F8: variants seen among roughly 807,000 people sequenced by gnomAD.
F8 encodes the protein coagulation factor VIII.
Under a neutral mutation model 140.6 loss-of-function variants are expected in F8, and 12 were observed. That is an observed-to-expected ratio of 0.09 (90% CI 0.05 to 0.14). The LOEUF (loss-of-function observed/expected upper bound fraction) is 0.14. Ranked by LOEUF, F8 falls within the 10% of genes least tolerant of loss-of-function variation. The pLI, the probability that F8 is intolerant of heterozygous loss-of-function variation, is 1.00. For missense variants in F8, 1,354 were observed against 1,720.7 expected (o/e 0.79, Z 3.77); for synonymous variants, 585 against 614.6 (o/e 0.95, Z 0.71).
intron 21 of F8, among the ~76,000 whole-genome samples, chrX:154,898,985 C>A (rs782291148): frequency 8.1e-5 from 9 of 111,768 alleles, no homozygotes; most frequent in Non-Finnish European, 1.3e-4. Flanking sequence ...TTAAATAGCA[C>A]AGACAGACAC....
intron 22 of F8, among the ~76,000 whole-genome samples, chrX:154,864,316 G>A (rs1339392817): frequency 8.9e-6 from 1 of 112,512 alleles, no homozygotes; most frequent in Admixed American, 9.3e-5. Flanking sequence ...CCTATCCAAA[G>A]CCCTGGTAAT....
At chrX:154,975,137 G>C (rs1557282874) in intron 6 of F8, among the ~76,000 whole-genome samples, 1 of 110,360 alleles carries the variant, frequency 9.1e-6, no homozygotes. Flanking sequence ...GGTTTTGTTT[G>C]TTCTTGTTTT....
At chrX:154,994,119 C>T (rs1331466111) in intron 3 of F8, among the ~76,000 whole-genome samples, 1 of 112,319 alleles carries the variant, frequency 8.9e-6, no homozygotes, top group Non-Finnish European at 1.9e-5. Context: ...TCTTGAAAGA[C>T]AGATATATTT....
chrX:154,916,291 C>T (rs2073097183), intron 14 of F8, among the ~76,000 whole-genome samples: 1 of 111,770 alleles, frequency 8.9e-6, no homozygotes, highest in Admixed American at 9.5e-5. Context: ...GTGTCTTTGT[C>T]TGGTTTGGGT....
intron 25 of F8, among the ~76,000 whole-genome samples, chrX:154,841,389 T>C (rs1413279782): frequency 9.2e-6 from 1 of 109,286 alleles, no homozygotes; most frequent in Non-Finnish European, 1.9e-5. Flanking sequence ...TATGTGTATG[T>C]ATGGTTTTTG....
chrX:155,004,079 A>G (rs782362908), intron 1 of F8, among the ~76,000 whole-genome samples: 6 of 111,105 alleles, frequency 5.4e-5, no homozygotes, highest in African/African-American at 1.6e-4. Flanking sequence ...GTTGTAAGAA[A>G]CCAGATGGGG....
At chrX:154,838,888 C>T (rs1340654943) in intron 25 of F8, among the ~76,000 whole-genome samples, 1 of 109,944 alleles carries the variant, frequency 9.1e-6, no homozygotes, top group Non-Finnish European at 1.9e-5. Context: ...TTATTGGAAT[C>T]GCCTTTGGAG....
rs184169651 is a variant in F8 at position 154,878,119 on chromosome X, C to T, written c.6430-14892G>A. 4.7e-4 allele frequency among the ~76,000 whole-genome samples: 52 copies of T among 111,452 alleles called. 1 individual carries two copies. In the East Asian group the frequency reaches 5.3e-3, roughly 11 times the overall value. ...ACCATATCTTGATATCAAAGCCAGACAAATATATCACAAGAAAAGAAAATT... is the reference window on the plus strand; with the variant it reads ...ACCATATCTTGATATCAAAGCCAGATAAATATATCACAAGAAAAGAAAATT... On this transcript the variant is annotated intron_variant, in intron 22 of 25. Transcript: ENST00000360256.
chrX:154,969,385 A>G lies in F8; in HGVS notation c.955T>C (p.Leu319=), dbSNP rs1482082152. Residue 319 remains leucine (L), a synonymous_variant, in exon 7 of 26, where the codon TTG becomes CTG. Transcript: ENST00000360256. ...PITFLTAQTL[L]MDLGQFLLFC... is the part of the protein sequence containing the mutation. ...AGTAGAAACTGTCCAAGGTCCATCAAGAGTGTTTGAGCAGTAAGGAAAGTT... is the reference window on the plus strand; with the variant it reads ...AGTAGAAACTGTCCAAGGTCCATCAGGAGTGTTTGAGCAGTAAGGAAAGTT... The G allele has an allele frequency of 3.3e-6, 4 of 1,210,194 alleles. No individual in the cohort carries two copies. The African/African-American group carries it at 5.2e-5, about 16-fold the overall frequency.
intron 6 of F8, 47 bp downstream of exon 6, chrX:154,984,640 G>T (rs781893480): frequency 2.1e-6 from 2 of 965,227 alleles, no homozygotes; most frequent in Non-Finnish European, 3.0e-6. Flanking sequence ...GAACTCTGGT[G>T]CTGAATTTGG....
intron 14 of F8, among the ~76,000 whole-genome samples, chrX:154,921,838 T>A (rs190172391): frequency 0.036 from 3,774 of 105,262 alleles, 94 homozygotes; most frequent in Non-Finnish European, 0.057. Flanking sequence ...ATGAGAACAC[T>A]TGGACACAGG....
chrX:154,943,612 C>T (rs1345572497), intron 13 of F8, among the ~76,000 whole-genome samples: 1 of 111,526 alleles, frequency 9.0e-6, no homozygotes, highest in Non-Finnish European at 1.9e-5. Context: ...TTTATAGATT[C>T]AATGCCATCC....
intron 6 of F8, among the ~76,000 whole-genome samples, chrX:154,970,785 G>C (rs1268102731): frequency 9.0e-6 from 1 of 111,256 alleles, no homozygotes; most frequent in African/African-American, 3.3e-5. Flanking sequence ...CCCAGTCTAG[G>C]TCAGATTCCT....
intron 14 of F8, among the ~76,000 whole-genome samples, chrX:154,913,836 T>C (rs1203613153): frequency 8.9e-6 from 1 of 112,643 alleles, no homozygotes; most frequent in Non-Finnish European, 1.9e-5. Flanking sequence ...CCTGTGGCTT[T>C]TCCAGGCCCA....
chrX:154,911,363 C>T (rs373302196), intron 14 of F8, among the ~76,000 whole-genome samples: 1 of 108,706 alleles, frequency 9.2e-6, no homozygotes, highest in Non-Finnish European at 1.9e-5. Flanking sequence ...TCCCACCCCC[C>T]CATACCATTC....
At chrX:155,010,485 C>T (rs2073701424) in intron 1 of F8, among the ~76,000 whole-genome samples, 1 of 111,602 alleles carries the variant, frequency 9.0e-6, no homozygotes, top group African/African-American at 3.3e-5. Context: ...CCAGAGTCAG[C>T]TTATCCTGTT....
chrX:154,964,226 C>T (rs1465855282), intron 9 of F8, among the ~76,000 whole-genome samples: 1 of 111,478 alleles, frequency 9.0e-6, no homozygotes, highest in African/African-American at 3.3e-5. Flanking sequence ...TTATTGCATG[C>T]TCTTGTTTAT....
chrX:154,850,286 G>T (rs1412472867), intron 25 of F8, among the ~76,000 whole-genome samples: 3 of 109,497 alleles, frequency 2.7e-5, no homozygotes, highest in Non-Finnish European at 3.8e-5. Context: ...ATGCCAGCAT[G>T]TCCAGCTAAT....
chrX:154,973,515 C>CATCAA (rs1446592100), intron 6 of F8, among the ~76,000 whole-genome samples: 5 of 112,131 alleles, frequency 4.5e-5, no homozygotes, highest in African/African-American at 1.6e-4. Context: ...CAATTTCTTT[C>CATCAA]ATCAATATTT....
Sources: allele counts gnomAD v4.1 joint callset (sites outside exome capture counted in the v4.1 genomes callset), GRCh38; gene constraint gnomAD v4.1.1; transcripts MANE v1.5; gene names NCBI Gene and HGNC (gene_info 2026-07-23, HGNC 2026-07-21).